The following SORBS2 variants were observed in gnomAD, a reference collection of about 807,000 sequenced individuals.
SORBS2 encodes the protein sorbin and SH3 domain-containing protein 2.
SORBS2 carries 46 observed loss-of-function variants against 97.7 expected under a neutral mutation model. That is an observed-to-expected ratio of 0.47 (90% CI 0.37 to 0.60). SORBS2 has a LOEUF of 0.60. SORBS2 is among the 20% of genes least tolerant of loss of function. SORBS2 has a pLI of 0.00. For missense variants in SORBS2, 1,316 were observed against 1,282.3 expected (o/e 1.03, Z -0.40); for synonymous variants, 476 against 473.4 (o/e 1.01, Z -0.07).
At chr4:185,954,752 G>A (rs1230387171) in intron 1 of SORBS2, among the ~76,000 whole-genome samples, 1 of 152,150 alleles carries the variant, frequency 6.6e-6, no homozygotes, top group Non-Finnish European at 1.5e-5. Context: ...GAGGTCAGGA[G>A]TTCGAGACAA....
chr4:185,839,958 T>C (rs1459114265), intron 1 of SORBS2, among the ~76,000 whole-genome samples: 1 of 151,528 alleles, frequency 6.6e-6, no homozygotes. Flanking sequence ...GTGCTTACGA[T>C]GTAGGATATC....
intron 1 of SORBS2, among the ~76,000 whole-genome samples, chr4:185,893,637 T>A (rs1459675775): frequency 6.6e-6 from 1 of 152,136 alleles, no homozygotes; most frequent in Non-Finnish European, 1.5e-5. Context: ...CCCATGGACA[T>A]GGGAGTCCCA....
chr4:185,731,924 C>G (rs1047936399), intron 2 of SORBS2, among the ~76,000 whole-genome samples: 5 of 129,954 alleles, frequency 3.8e-5, no homozygotes, highest in African/African-American at 1.2e-4. Context: ...GTTTCTCTGT[C>G]TCACTCTAGA....
intron 1 of SORBS2, among the ~76,000 whole-genome samples, chr4:185,930,768 G>A (rs1158144848): frequency 6.6e-6 from 1 of 152,146 alleles, no homozygotes; most frequent in East Asian, 1.9e-4. Context: ...AAAAATCATA[G>A]TTTCTATATT....
chr4:185,663,923 C>T (rs938200646), intron 4 of SORBS2, among the ~76,000 whole-genome samples: 5 of 137,398 alleles, frequency 3.6e-5, no homozygotes, highest in African/African-American at 5.5e-5. Flanking sequence ...GGCGCAGTCT[C>T]GGCTCACTGC....
At chr4:185,652,940 G>T (rs2097338206) in intron 1 of SORBS2, among the ~76,000 whole-genome samples, 1 of 152,172 alleles carries the variant, frequency 6.6e-6, no homozygotes, top group Admixed American at 6.5e-5. Context: ...TTGAATTTAG[G>T]CTGAGTTGGA....
chr4:185,876,613 C>T (rs1445840672), intron 1 of SORBS2, among the ~76,000 whole-genome samples: 1 of 152,150 alleles, frequency 6.6e-6, no homozygotes, highest in East Asian at 1.9e-4. Context: ...CGCCAAGTGT[C>T]TTTAAGAGAA....
At chr4:185,826,967 G>A (rs1052514168) in intron 1 of SORBS2, among the ~76,000 whole-genome samples, 2 of 150,844 alleles carry the variant, frequency 1.3e-5, no homozygotes, top group Non-Finnish European at 3.0e-5. Context: ...ACATGCAGTG[G>A]TTTTCCTTCT....
chr4:185,861,708 C>A (rs2603734), intron 1 of SORBS2, among the ~76,000 whole-genome samples: 59,370 of 151,334 alleles, frequency 0.39, 12,138 homozygotes, highest in Middle Eastern at 0.46. Flanking sequence ...CAGGTTCAAG[C>A]GATCCTCCTG....
intron 1 of SORBS2, among the ~76,000 whole-genome samples, chr4:185,834,039 T>C (rs2099206592): frequency 6.6e-6 from 1 of 152,184 alleles, no homozygotes; most frequent in Non-Finnish European, 1.5e-5. Context: ...GATATCCAGA[T>C]GATAAAATAA....
intron 1 of SORBS2, among the ~76,000 whole-genome samples, chr4:185,846,605 C>T (rs979333910): frequency 1.3e-5 from 2 of 152,162 alleles, no homozygotes; most frequent in African/African-American, 4.8e-5. Context: ...TAAGGCTAAC[C>T]AAAAGGGCTT....
chr4:185,730,671 G>A (rs971562299), intron 2 of SORBS2, among the ~76,000 whole-genome samples: 50 of 152,346 alleles, frequency 3.3e-4, no homozygotes, highest in African/African-American at 1.2e-3. Flanking sequence ...GAGGACAACC[G>A]GGTTGCAGTA....
intron 1 of SORBS2, among the ~76,000 whole-genome samples, chr4:185,820,406 C>T (rs1010771596): frequency 1.3e-5 from 2 of 152,226 alleles, no homozygotes; most frequent in Non-Finnish European, 2.9e-5. Flanking sequence ...TTCCTATTCT[C>T]TCGGCAGCCC....
chr4:185,834,532 A>G (rs2099206927), intron 1 of SORBS2, among the ~76,000 whole-genome samples: 1 of 152,192 alleles, frequency 6.6e-6, no homozygotes, highest in Admixed American at 6.5e-5. Context: ...TTGTTCTCAA[A>G]TGAGGCAGAA....
At chr4:185,660,319 C>T (rs377440408), upstream of SORBS2, among the ~76,000 whole-genome samples, 49 of 152,092 alleles carry the variant, frequency 3.2e-4, no homozygotes, top group East Asian at 9.6e-4. Flanking sequence ...AATAATTTGT[C>T]GAGTTTTACT....
chr4:185,764,900 T>C (rs1359922309), intron 2 of SORBS2, among the ~76,000 whole-genome samples: 2 of 152,218 alleles, frequency 1.3e-5, no homozygotes, highest in African/African-American at 4.8e-5. Flanking sequence ...ATTATCTGAA[T>C]GTAATATTTA....
intron 1 of SORBS2, among the ~76,000 whole-genome samples, chr4:185,814,781 T>C (rs142227551): frequency 2.6e-4 from 39 of 152,336 alleles, no homozygotes; most frequent in African/African-American, 9.4e-4. Context: ...TCCCGGCATC[T>C]CTACTGGCCT....
At position 185,702,612 on chromosome 4, in the gene SORBS2, C is replaced by A. The variant is rs918073243; in HGVS notation, c.-197-23790G>T. On this transcript the variant is annotated intron_variant, in intron 2 of 20. Transcript: ENST00000284776. The stretch of plus-strand genomic sequence containing the variant: ...AAGTGGCAGAGTCAGAGTTCAACAA[C>A]CTATGTTTTAGGGGACTTCCAGGTA... 2.0e-5 allele frequency among the ~76,000 whole-genome samples: 3 copies of A among 151,722 alleles called. No individual in the cohort carries two copies. In the South Asian group the frequency reaches 6.2e-4, roughly 32 times the overall value.
intron 1 of SORBS2, among the ~76,000 whole-genome samples, chr4:185,901,504 G>A (rs1242615270): frequency 6.6e-6 from 1 of 152,052 alleles, no homozygotes; most frequent in African/African-American, 2.4e-5. Flanking sequence ...ACGCCTGGCC[G>A]AAGAGGAAAA....
Sources: allele counts gnomAD v4.1 joint callset (sites outside exome capture counted in the v4.1 genomes callset), GRCh38; gene constraint gnomAD v4.1.1; transcripts MANE v1.5; gene names NCBI Gene and HGNC (gene_info 2026-07-23, HGNC 2026-07-21).